The following C12orf42 variants were observed in gnomAD, a reference collection of about 807,000 sequenced individuals.
The protein encoded by C12orf42 is uncharacterized protein C12orf42.
C12orf42 carries 25 observed loss-of-function variants against 21.6 expected under a neutral mutation model. The observed-to-expected ratio is 1.16, with a 90% CI of 0.84 to 1.62. The LOEUF (loss-of-function observed/expected upper bound fraction) is 1.62, where lower values mean the gene tolerates loss of function less well. Among genes scored for constraint, C12orf42 ranks in the 40% most tolerant of loss-of-function variants. The pLI, the probability that C12orf42 is intolerant of heterozygous loss-of-function variation, is 0.00. For synonymous variants in C12orf42, 174 were observed against 175.0 expected (o/e 0.99, Z 0.05); for missense variants, 483 against 459.3 (o/e 1.05, Z -0.47).
chr12:103,375,947 C>T (rs2045652512), intron 3 of C12orf42, among the ~76,000 whole-genome samples: 1 of 152,088 alleles, frequency 6.6e-6, no homozygotes, highest in South Asian at 2.1e-4. Context: ...CACTTCCTAC[C>T]AAAGCTTAAA....
chr12:103,268,423 C>G (rs1034112098), downstream of C12orf42: 2 of 151,860 alleles, frequency 1.3e-5, no homozygotes, highest in African/African-American at 4.8e-5. Context: ...GCAGTATTAG[C>G]AGAGTCTGTT....
intron 1 of C12orf42, among the ~76,000 whole-genome samples, chr12:103,488,438 C>T (rs972089014): frequency 3.3e-5 from 5 of 152,122 alleles, no homozygotes; most frequent in Admixed American, 6.6e-5. Flanking sequence ...CTTGGGGTTG[C>T]TCTTCTTGCG....
chr12:103,104,615 T>C, the C12orf42 span, among the ~76,000 whole-genome samples: 1 of 152,186 alleles, frequency 6.6e-6, no homozygotes, highest in Admixed American at 6.5e-5. Flanking sequence ...TAATTTTTTG[T>C]ATTTTAGTAG....
At chr12:103,409,987 C>A (rs2048709083) in intron 2 of C12orf42, among the ~76,000 whole-genome samples, 1 of 152,120 alleles carries the variant, frequency 6.6e-6, no homozygotes, top group Admixed American at 6.5e-5. Context: ...AGACATGGAA[C>A]TTACTTCCTG....
At chr12:103,228,612 G>A in the C12orf42 span, among the ~76,000 whole-genome samples, 66 of 152,210 alleles carry the variant, frequency 4.3e-4, 1 homozygote, top group African/African-American at 1.5e-3. Context: ...TTGCAGGTGA[G>A]ACTATAGGAA....
the C12orf42 span, among the ~76,000 whole-genome samples, chr12:103,219,522 G>T: frequency 2.6e-4 from 40 of 152,060 alleles, no homozygotes; most frequent in African/African-American, 8.5e-4. Flanking sequence ...CTGACAAAGG[G>T]CTAATATCCA....
chr12:103,475,019 T>C (rs889722446), intron 2 of C12orf42, among the ~76,000 whole-genome samples: 1 of 152,254 alleles, frequency 6.6e-6, no homozygotes, highest in Non-Finnish European at 1.5e-5. Context: ...TTTGAACTTT[T>C]GTGTGGCCTT....
At chr12:103,508,088 G>T in the C12orf42 span, among the ~76,000 whole-genome samples, 2 of 152,076 alleles carry the variant, frequency 1.3e-5, no homozygotes, top group Admixed American at 6.6e-5. Flanking sequence ...TTATTTTCAG[G>T]ATTATTGTAA....
chr12:103,201,306 C>T, the C12orf42 span, among the ~76,000 whole-genome samples: 1 of 152,246 alleles, frequency 6.6e-6, no homozygotes, highest in East Asian at 1.9e-4. Context: ...GACCACCAAA[C>T]AGTGACCATG....
the C12orf42 span, among the ~76,000 whole-genome samples, chr12:103,548,420 T>A: frequency 0.029 from 4,434 of 152,230 alleles, 113 homozygotes; most frequent in East Asian, 0.12. Context: ...ATGCCACTCC[T>A]CCAAGTACTA....
intron 2 of C12orf42, among the ~76,000 whole-genome samples, chr12:103,447,134 T>C (rs1951631853): frequency 6.6e-6 from 1 of 151,868 alleles, no homozygotes; most frequent in Non-Finnish European, 1.5e-5. Context: ...TCAGTAAATT[T>C]AAGAAAATCA....
chr12:103,175,797 G>A, the C12orf42 span, among the ~76,000 whole-genome samples: 2,908 of 152,220 alleles, frequency 0.019, 35 homozygotes, highest in East Asian at 0.028. Flanking sequence ...CTCTGGCAAG[G>A]TGACCGGGCA....
chr12:103,514,336 G>A, the C12orf42 span, among the ~76,000 whole-genome samples: 2 of 152,182 alleles, frequency 1.3e-5, no homozygotes, highest in Admixed American at 6.5e-5. Flanking sequence ...GTTGACAGGG[G>A]AGACCTCTCT....
At position 103,292,985 on chromosome 12, in the gene C12orf42, A is replaced by T. The variant is rs368589960; in HGVS notation, n.338-15775T>A. 1.6e-3 allele frequency among the ~76,000 whole-genome samples: 241 copies of T among 152,208 alleles called. 1 individual carries two copies. Among genetic ancestry groups the T allele is most frequent in the Non-Finnish European group, 2.4e-3 (162 of 67,994 alleles). On this transcript the variant is annotated intron_variant and non_coding_transcript_variant, in intron 4 of 6. Coordinates refer to the C12orf42 transcript ENST00000546526. The stretch of plus-strand genomic sequence containing the variant: ...ACTAGAAAAGGCCACTCACTCTGAA[A>T]AACACCATAGAATTCATTGAAGTGA...
the C12orf42 span, among the ~76,000 whole-genome samples, chr12:103,053,594 T>C: frequency 3.3e-5 from 5 of 151,990 alleles, no homozygotes; most frequent in African/African-American, 1.2e-4. Context: ...CAAATGTTTT[T>C]AGCTTTGATG....
the C12orf42 span, chr12:103,558,270 C>G: frequency 6.6e-6 from 1 of 152,208 alleles, no homozygotes; most frequent in Admixed American, 6.5e-5. Flanking sequence ...ATTGATATCA[C>G]TTCCTTCATT....
the C12orf42 span, among the ~76,000 whole-genome samples, chr12:103,066,528 G>A: frequency 6.6e-6 from 1 of 152,216 alleles, no homozygotes; most frequent in Non-Finnish European, 1.5e-5. Context: ...AAAGCAGACA[G>A]CTGCAGCACT....
chr12:103,255,940 C>T (rs1048937145), intron 10 of C12orf42, among the ~76,000 whole-genome samples: 1 of 148,528 alleles, frequency 6.7e-6, no homozygotes, highest in Non-Finnish European at 1.5e-5. Context: ...GTAGTCCCAG[C>T]TACTCGGGAG....
chr12:103,206,846 A>G, the C12orf42 span, among the ~76,000 whole-genome samples: 1 of 152,130 alleles, frequency 6.6e-6, no homozygotes, highest in African/African-American at 2.4e-5. Context: ...CGTTCTCTGC[A>G]CTGGAGCACC....
Sources: gnomAD v4.1 joint callset for allele counts (sites outside exome capture counted in the v4.1 genomes callset) on GRCh38, gnomAD v4.1.1 for gene constraint, MANE v1.5 for transcripts, NCBI Gene and HGNC (gene_info 2026-07-23, HGNC 2026-07-21) for gene names.